Variants in TTLL11 observed in about 807,000 individuals in gnomAD.
The protein encoded by TTLL11 is tubulin polyglutamylase TTLL11.
In TTLL11, 42 loss-of-function variants were observed where a neutral mutation model predicts 51.7. That is an observed-to-expected ratio of 0.81 (90% CI 0.64 to 1.05). TTLL11 has a LOEUF of 1.05. Ranked by LOEUF, TTLL11 falls within the 50% of genes least tolerant of loss-of-function variation. TTLL11 has a pLI of 0.00. For synonymous variants in TTLL11, 381 were observed against 383.5 expected, an observed-to-expected ratio of 0.99 and a Z score of 0.08; for missense variants, 799 against 940.4, an observed-to-expected ratio of 0.85 and a Z score of 1.97.
chr9:122,084,790 C>T (rs1254280173), intron 1 of TTLL11, among the ~76,000 whole-genome samples: 5 of 152,126 alleles, frequency 3.3e-5, no homozygotes, highest in Non-Finnish European at 1.5e-5. Flanking sequence ...AGCAACTTGT[C>T]CAGGGGCACG....
intron 8 of TTLL11, among the ~76,000 whole-genome samples, chr9:121,840,450 T>C (rs1837316427): frequency 6.6e-6 from 1 of 152,174 alleles, no homozygotes; most frequent in Admixed American, 6.5e-5. Context: ...GGAGGGAGTA[T>C]AGTGGCTTGA....
At chr9:122,029,893 T>C (rs1844476977) in intron 3 of TTLL11, among the ~76,000 whole-genome samples, 1 of 152,168 alleles carries the variant, frequency 6.6e-6, no homozygotes, top group South Asian at 2.1e-4. Context: ...TTTTATACAG[T>C]ATTTTCCCCT....
Position 121,853,292 on chromosome 9 carries a change from G to A in TTLL11, c.1840+7045C>T, listed in dbSNP as rs937798405. On this transcript the variant is annotated intron_variant, in intron 8 of 8. Coordinates refer to ENST00000321582, the MANE Select transcript of TTLL11 (RefSeq NM_001139442.2). The surrounding 1 kb of genome is among the most constrained non-coding windows in gnomAD (Gnocchi z 5.6). ...GTTTCCTGGATGTTGGCCTCATGTCGGGGGCAGATGTCCAGGCCCTTTCAC... is the reference window on the plus strand; with the variant it reads ...GTTTCCTGGATGTTGGCCTCATGTCAGGGGCAGATGTCCAGGCCCTTTCAC... 1.3e-5 allele frequency among the ~76,000 whole-genome samples: 2 copies of A among 152,102 alleles called. No homozygotes were observed. The highest frequency in any genetic ancestry group is 2.9e-5 in the Non-Finnish European group (2 of 68,010).
intron 4 of TTLL11, among the ~76,000 whole-genome samples, chr9:121,983,489 G>C (rs752704078): frequency 5.3e-5 from 8 of 152,158 alleles, no homozygotes; most frequent in Non-Finnish European, 1.0e-4. Context: ...TGTGAATAGG[G>C]GGACACCTTT....
chr9:122,082,230 G>A (rs1055341292), intron 1 of TTLL11, among the ~76,000 whole-genome samples: 9 of 152,220 alleles, frequency 5.9e-5, no homozygotes, highest in Admixed American at 4.6e-4. Context: ...AAGGCCAGGT[G>A]CAGTGGCTCA....
intron 8 of TTLL11, among the ~76,000 whole-genome samples, chr9:121,838,614 G>A (rs1471018157): frequency 6.6e-6 from 1 of 152,166 alleles, no homozygotes; most frequent in Non-Finnish European, 1.5e-5. Flanking sequence ...AGCTACTCAG[G>A]AGGCTGAAGC....
intron 6 of TTLL11, among the ~76,000 whole-genome samples, chr9:121,921,987 A>G (rs1426593362): frequency 6.6e-6 from 1 of 152,204 alleles, no homozygotes; most frequent in African/African-American, 2.4e-5. Flanking sequence ...CTGTGCTTCA[A>G]GGATCATGAG....
intron 6 of TTLL11, among the ~76,000 whole-genome samples, chr9:121,915,986 C>CAT (rs1840307534): frequency 1.3e-5 from 1 of 79,232 alleles, no homozygotes; most frequent in Non-Finnish European, 2.7e-5. Flanking sequence ...CAAAGACACA[C>CAT]ACATACACAC....
At chr9:122,013,848 C>A (rs936467614) in intron 3 of TTLL11, among the ~76,000 whole-genome samples, 1 of 152,142 alleles carries the variant, frequency 6.6e-6, no homozygotes, top group African/African-American at 2.4e-5. Context: ...CAACTGAAAC[C>A]CTGGCAGCAG....
In TTLL11 at chr9:121,853,909, C is replaced by A. The variant is rs1306196442; in HGVS notation, c.1840+6428G>T. Among the ~76,000 whole-genome samples, 1 of 152,208 alleles carries A rather than the reference C, an allele frequency of 6.6e-6. No individual in the cohort carries two copies. Among genetic ancestry groups the A allele is most frequent in the Non-Finnish European group, 1.5e-5 (1 of 68,038 alleles). On this transcript the variant is annotated intron_variant, in intron 8 of 8. Transcript: ENST00000321582. The surrounding 1 kb of genome is among the most constrained non-coding windows in gnomAD (Gnocchi z 5.6). ...CTGGCAGGGGTAGGTGCCCCAGAAG[C>A]ACTTCCCGAGAAAGTAGTGCAGTAG...
chr9:121,939,126 C>T (rs1338298304), intron 6 of TTLL11, among the ~76,000 whole-genome samples: 1 of 152,182 alleles, frequency 6.6e-6, no homozygotes, highest in Admixed American at 6.5e-5. Flanking sequence ...TGAAGAACAA[C>T]TTGGCTTTTC....
At chr9:122,083,292 C>G (rs141303323) in intron 1 of TTLL11, among the ~76,000 whole-genome samples, 2 of 151,770 alleles carry the variant, frequency 1.3e-5, no homozygotes, top group East Asian at 1.9e-4. Flanking sequence ...GCAAATTCAC[C>G]ACCACATGCT....
At chr9:122,023,003 AAAC>A (rs1393968178) in intron 3 of TTLL11, among the ~76,000 whole-genome samples, 1 of 151,962 alleles carries the variant, frequency 6.6e-6, no homozygotes, top group East Asian at 1.9e-4. Flanking sequence ...ACTAAAAACA[AAAC>A]AACTATAGCT....
intron 3 of TTLL11, among the ~76,000 whole-genome samples, chr9:122,025,510 G>A (rs1844305372): frequency 6.6e-6 from 1 of 152,214 alleles, no homozygotes; most frequent in South Asian, 2.1e-4. Flanking sequence ...GCCTGTGCCT[G>A]TAGTTCCAGC....
At chr9:121,857,956 T>A (rs1401638907) in intron 8 of TTLL11, among the ~76,000 whole-genome samples, 1 of 152,150 alleles carries the variant, frequency 6.6e-6, no homozygotes, top group East Asian at 1.9e-4. Context: ...CACCCCCTCA[T>A]CTGGCCCCCT....
intron 6 of TTLL11, among the ~76,000 whole-genome samples, chr9:121,956,014 G>T (rs1186535024): frequency 1.3e-5 from 2 of 152,156 alleles, no homozygotes; most frequent in Non-Finnish European, 2.9e-5. Flanking sequence ...GTTAAAATCT[G>T]CATCCTGATA....
At chr9:121,925,669 C>T (rs1840701876) in intron 6 of TTLL11, among the ~76,000 whole-genome samples, 1 of 152,222 alleles carries the variant, frequency 6.6e-6, no homozygotes, top group Admixed American at 6.5e-5. Flanking sequence ...AGGCTCTCCA[C>T]AGGCTCCCGC....
rs572339387 is a variant in TTLL11, at chr9:122,092,965, C to G, written c.184G>C (p.Val62Leu). The change falls in exon 1 of 9, where the codon GTC (valine) becomes CTC (leucine). Residue 62 changes from valine (V) to leucine (L), a missense_variant. By Grantham distance (32) the Val-to-Leu change is conservative. Around this residue, in one of 3 missense-constraint regions of TTLL11, gnomAD observed 166 missense variants for 161.6 expected, o/e 1.03. Coordinates refer to ENST00000321582, the MANE Select transcript of TTLL11 (RefSeq NM_001139442.2). ...ECKAGEEQPK[V>L]LAPAPAQPSA... ...GGCTGCGCCGGGGCCGGGGCCAGGA[C>G]CTTGGGCTGCTCCTCCCCTGCCTTG... 3.2e-6 allele frequency: 5 copies of G among 1,577,398 alleles called. No individual in the cohort carries two copies. The highest frequency in any genetic ancestry group is 4.3e-6 in the Non-Finnish European group (5 of 1,170,436).
chr9:122,018,901 C>A (rs1156652838), intron 3 of TTLL11, among the ~76,000 whole-genome samples: 4 of 152,224 alleles, frequency 2.6e-5, no homozygotes, highest in African/African-American at 9.7e-5. Context: ...CCCTGTTTTA[C>A]TGCTGAGAAA....
Sources: allele counts gnomAD v4.1 joint callset (sites outside exome capture counted in the v4.1 genomes callset), GRCh38; gene constraint gnomAD v4.1.1; regional missense constraint gnomAD v4.1.1; non-coding constraint Gnocchi (gnomAD v3.1); transcripts MANE v1.5; gene names NCBI Gene and HGNC (gene_info 2026-07-23, HGNC 2026-07-21).